The following COX7B2 variants were observed in gnomAD, a reference collection of about 807,000 sequenced individuals.
COX7B2 encodes cytochrome c oxidase subunit 7B2, mitochondrial.
For missense variants in COX7B2, 109 were observed against 95.9 expected (o/e 1.14, Z -0.57); for synonymous variants, 37 against 32.1 (o/e 1.15, Z -0.51).
At position 46,808,053 on chromosome 4, in the gene COX7B2, T is replaced by G. The variant is rs572255767; in HGVS notation, c.-50+36907A>C. ...TTTTAAAGTTGTTGTTTCTATTTTT[T>G]GTGAAGAACATTATTGGAATTTTGA... On this transcript the variant is annotated intron_variant, in intron 2 of 2. Coordinates refer to ENST00000355591, the MANE Select transcript of COX7B2 (RefSeq NM_130902.3). Among the ~76,000 whole-genome samples the G allele has an allele frequency of 1.8e-4, 27 of 151,986 alleles. 1 individual carries two copies. Among genetic ancestry groups the G allele is most frequent in the African/African-American group, 5.8e-4 (24 of 41,552 alleles).
intron 1 of COX7B2, among the ~76,000 whole-genome samples, chr4:46,846,985 C>G (rs1716324334): frequency 6.6e-6 from 1 of 151,944 alleles, no homozygotes. Flanking sequence ...TCCACTAGAT[C>G]TATCCAAGAG....
chr4:46,837,488 C>T (rs543149871), intron 2 of COX7B2, among the ~76,000 whole-genome samples: 3 of 151,912 alleles, frequency 2.0e-5, no homozygotes, highest in African/African-American at 7.3e-5. Context: ...ACTAAAAGCA[C>T]ATTACATTGC....
chr4:46,805,200 G>A (rs1195506646), intron 2 of COX7B2, among the ~76,000 whole-genome samples: 5 of 152,196 alleles, frequency 3.3e-5, no homozygotes, highest in Non-Finnish European at 7.3e-5. Context: ...GGCTGAGGGA[G>A]CCGGCTCTGG....
At chr4:46,818,692 T>C (rs1489941584) in intron 2 of COX7B2, among the ~76,000 whole-genome samples, 3 of 151,910 alleles carry the variant, frequency 2.0e-5, no homozygotes, top group Admixed American at 1.3e-4. Flanking sequence ...GCATCTTTCA[T>C]TGTAATGGAA....
At chr4:46,748,190 A>G (rs1715138072) in intron 2 of COX7B2, among the ~76,000 whole-genome samples, 1 of 152,220 alleles carries the variant, frequency 6.6e-6, no homozygotes, top group Non-Finnish European at 1.5e-5. Context: ...GACTTAAGGT[A>G]GATTTATGAA....
chr4:46,905,814 C>CTTTTTTG (rs1720346151), intron 1 of COX7B2, among the ~76,000 whole-genome samples: 1 of 71,686 alleles, frequency 1.4e-5, no homozygotes. Context: ...GCATATATTT[C>CTTTTTTG]TTTTTTTTTT....
intron 1 of COX7B2, among the ~76,000 whole-genome samples, chr4:46,875,142 T>C (rs1301867783): frequency 6.6e-6 from 1 of 152,234 alleles, no homozygotes; most frequent in Non-Finnish European, 1.5e-5. Context: ...TTCTAACCTT[T>C]CACTACCAGT....
intron 1 of COX7B2, among the ~76,000 whole-genome samples, chr4:46,888,799 TATA>T (rs922843677): frequency 9.9e-5 from 15 of 152,188 alleles, no homozygotes; most frequent in African/African-American, 3.4e-4. Flanking sequence ...ACTGTGTTTT[TATA>T]ATAATTACTA....
At chr4:46,798,089 A>G (rs1358541661) in intron 2 of COX7B2, among the ~76,000 whole-genome samples, 2 of 152,222 alleles carry the variant, frequency 1.3e-5, no homozygotes, top group Non-Finnish European at 2.9e-5. Flanking sequence ...TGAGCAAGAA[A>G]TAGCAACTAT....
intron 2 of COX7B2, among the ~76,000 whole-genome samples, chr4:46,827,317 T>C (rs146751636): frequency 4.0e-5 from 6 of 151,724 alleles, no homozygotes; most frequent in African/African-American, 1.5e-4. Context: ...GAGAAACTCA[T>C]AGTCGACTTA....
At chr4:46,755,837 C>T (rs1359766025) in intron 2 of COX7B2, among the ~76,000 whole-genome samples, 1 of 151,852 alleles carries the variant, frequency 6.6e-6, no homozygotes, top group Non-Finnish European at 1.5e-5. Flanking sequence ...GGAAAGCATC[C>T]CATGCTCATG....
intron 2 of COX7B2, among the ~76,000 whole-genome samples, chr4:46,772,155 C>A (rs1716912326): frequency 6.6e-6 from 1 of 152,058 alleles, no homozygotes; most frequent in African/African-American, 2.4e-5. Flanking sequence ...ATGGATGAAC[C>A]TGGAGTACAT....
At chr4:46,757,104 T>C (rs1715847979) in intron 2 of COX7B2, among the ~76,000 whole-genome samples, 1 of 152,064 alleles carries the variant, frequency 6.6e-6, no homozygotes, top group African/African-American at 2.4e-5. Flanking sequence ...TATCAATCTA[T>C]CTATCTATGA....
intron 1 of COX7B2, among the ~76,000 whole-genome samples, chr4:46,886,798 C>G (rs1304276713): frequency 6.6e-6 from 1 of 152,100 alleles, no homozygotes; most frequent in African/African-American, 2.4e-5. Context: ...TATTTTCAGC[C>G]TTTCAGATAA....
intron 1 of COX7B2, among the ~76,000 whole-genome samples, chr4:46,850,056 T>G (rs1716563727): frequency 6.6e-6 from 1 of 151,988 alleles, no homozygotes; most frequent in Non-Finnish European, 1.5e-5. Flanking sequence ...TAGTAAGAAT[T>G]TATTACAAGG....
rs193146597 is a variant in COX7B2, at chr4:46,817,405, G to C, written c.-50+27555C>G. On this transcript the variant is annotated intron_variant, in intron 2 of 2. Coordinates refer to ENST00000355591, the MANE Select transcript of COX7B2 (RefSeq NM_130902.3). ...GCTACAAGGTCAATAGAAAAGCCGG[G>C]GTACACATTTCAGTCTCTCAGTCCC... 3.9e-5 allele frequency among the ~76,000 whole-genome samples: 6 copies of C among 152,110 alleles called. No individual in the cohort carries two copies. In the East Asian group the frequency reaches 1.2e-3, roughly 29 times the overall value.
chr4:46,824,234 G>A (rs972708380), intron 2 of COX7B2, among the ~76,000 whole-genome samples: 7 of 152,084 alleles, frequency 4.6e-5, no homozygotes, highest in Non-Finnish European at 1.0e-4. Context: ...AAATTCTACA[G>A]CTGTACAAAG....
At chr4:46,749,327 A>C (rs1256151044) in intron 2 of COX7B2, among the ~76,000 whole-genome samples, 1 of 152,152 alleles carries the variant, frequency 6.6e-6, no homozygotes, top group East Asian at 1.9e-4. Context: ...TTCTCTATCC[A>C]AAATGTCTCC....
intron 2 of COX7B2, among the ~76,000 whole-genome samples, chr4:46,824,009 T>C (rs1714496798): frequency 1.3e-5 from 2 of 152,218 alleles, no homozygotes; most frequent in African/African-American, 4.8e-5. Context: ...CAGTGAAATT[T>C]ACCACATCCT....
Sources: gnomAD v4.1 joint callset for allele counts (sites outside exome capture counted in the v4.1 genomes callset) on GRCh38, gnomAD v4.1.1 for gene constraint, MANE v1.5 for transcripts, NCBI Gene and HGNC (gene_info 2026-07-23, HGNC 2026-07-21) for gene names.